Variants in COG5 observed in about 807,000 individuals in gnomAD.
The protein encoded by COG5 is component of oligomeric golgi complex 5, also known as conserved oligomeric Golgi complex subunit 5.
Under a neutral mutation model 110.4 loss-of-function variants are expected in COG5, and 86 were observed. The observed-to-expected ratio is 0.78, with a 90% CI of 0.65 to 0.93. The LOEUF (loss-of-function observed/expected upper bound fraction) is 0.93, where lower values mean the gene tolerates loss of function less well. Ranked by LOEUF, COG5 falls within the 40% of genes least tolerant of loss-of-function variation. The pLI, the probability that COG5 is intolerant of heterozygous loss-of-function variation, is 0.00. For synonymous variants in COG5, 360 were observed against 334.6 expected (o/e 1.08, Z -0.83); for missense variants, 1,077 against 987.0 (o/e 1.09, Z -1.22).
chr7:107,467,191 A>G (rs931884984), intron 6 of COG5, among the ~76,000 whole-genome samples: 5 of 152,208 alleles, frequency 3.3e-5, no homozygotes, highest in Admixed American at 3.3e-4. Context: ...ATTGAGCTGT[A>G]TTTTGGGGTT....
At chr7:107,301,210 C>T (rs2116934019) in intron 11 of COG5, among the ~76,000 whole-genome samples, 1 of 152,218 alleles carries the variant, frequency 6.6e-6, no homozygotes, top group South Asian at 2.1e-4. Context: ...TTGAGTTAGA[C>T]ATGATATGAA....
At chr7:107,253,731 T>C (rs1416486832) in intron 16 of COG5, among the ~76,000 whole-genome samples, 1 of 152,170 alleles carries the variant, frequency 6.6e-6, no homozygotes, top group African/African-American at 2.4e-5. Context: ...ACTTCACTCC[T>C]GCTCCTTTAC....
At chr7:107,270,244 AGTACTCACAC>A (rs1804136060) in intron 14 of COG5, among the ~76,000 whole-genome samples, 1 of 149,776 alleles carries the variant, frequency 6.7e-6, no homozygotes, top group African/African-American at 2.5e-5. Context: ...TAGCAAAGAT[AGTACTCACAC>A]GTGCTTTTTT....
chr7:107,377,536 T>C (rs1207433089), intron 7 of COG5, among the ~76,000 whole-genome samples: 11 of 152,190 alleles, frequency 7.2e-5, no homozygotes, highest in Non-Finnish European at 1.6e-4. Flanking sequence ...TTGGCTTCTA[T>C]TGGATTTTGT....
chr7:107,219,467 A>G (rs1799752571), intron 19 of COG5, among the ~76,000 whole-genome samples: 2 of 152,236 alleles, frequency 1.3e-5, no homozygotes, highest in South Asian at 4.1e-4. Flanking sequence ...GATAAAGAAA[A>G]TATGACATAT....
intron 14 of COG5, among the ~76,000 whole-genome samples, chr7:107,272,867 G>A (rs1804390609): frequency 1.3e-5 from 2 of 152,186 alleles, no homozygotes; most frequent in African/African-American, 2.4e-5. Flanking sequence ...TTGAGTAAAA[G>A]CTGCTCAAAA....
chr7:107,271,608 T>G (rs1804278176), intron 14 of COG5, among the ~76,000 whole-genome samples: 1 of 152,136 alleles, frequency 6.6e-6, no homozygotes, highest in African/African-American at 2.4e-5. Flanking sequence ...TTTCTGTTTG[T>G]AGCTGGTAGA....
At chr7:107,405,984 T>C (rs961066676) in intron 7 of COG5, among the ~76,000 whole-genome samples, 11 of 152,190 alleles carry the variant, frequency 7.2e-5, no homozygotes, top group African/African-American at 2.7e-4. Flanking sequence ...TCCAGAACTG[T>C]GAAAAATAAA....
chr7:107,221,287 T>A (rs1051770570), intron 19 of COG5, among the ~76,000 whole-genome samples: 2 of 151,300 alleles, frequency 1.3e-5, no homozygotes, highest in African/African-American at 4.9e-5. Context: ...GGGGTGGGGG[T>A]GGGGTTCAGC....
chr7:107,347,969 A>AC (rs2129039592), intron 10 of COG5, among the ~76,000 whole-genome samples: 2 of 151,752 alleles, frequency 1.3e-5, no homozygotes, highest in East Asian at 3.9e-4. Flanking sequence ...CTACTAAAAT[A>AC]CAAAAAAATA....
At chr7:107,440,465 G>C (rs1794640818) in intron 6 of COG5, among the ~76,000 whole-genome samples, 1 of 151,934 alleles carries the variant, frequency 6.6e-6, no homozygotes, top group South Asian at 2.1e-4. Context: ...TATTGTATCA[G>C]GTTCCTGGCA....
chr7:107,452,116 A>G (rs145997138), intron 6 of COG5, among the ~76,000 whole-genome samples: 1,744 of 152,214 alleles, frequency 0.011, 32 homozygotes, highest in African/African-American at 0.039. Context: ...AACAGATCCC[A>G]TTACTTTGTT....
At chr7:107,538,448 G>A (rs1801743086) in intron 5 of COG5, among the ~76,000 whole-genome samples, 1 of 152,122 alleles carries the variant, frequency 6.6e-6, no homozygotes. Context: ...CTGCAGCAGA[G>A]AGAGCTCTTC....
chr7:107,542,903 C>T (rs981855380), intron 5 of COG5, among the ~76,000 whole-genome samples: 2 of 149,474 alleles, frequency 1.3e-5, no homozygotes, highest in African/African-American at 4.9e-5. Context: ...ACCTGGGAGG[C>T]GGAGGCTGCA....
At chr7:107,529,855 G>A (rs1346476485) in intron 5 of COG5, among the ~76,000 whole-genome samples, 5 of 152,180 alleles carry the variant, frequency 3.3e-5, no homozygotes, top group Non-Finnish European at 7.3e-5. Context: ...AATTGAGGTT[G>A]CTGCAGACCT....
chr7:107,204,394 A>G (rs966308716), intron 21 of COG5, among the ~76,000 whole-genome samples: 9 of 152,174 alleles, frequency 5.9e-5, no homozygotes, highest in Non-Finnish European at 1.3e-4. Context: ...TTTTACAGAA[A>G]AAGTTCGTCA....
chr7:107,529,969 A>C (rs1801078361), intron 5 of COG5, among the ~76,000 whole-genome samples: 1 of 152,164 alleles, frequency 6.6e-6, no homozygotes, highest in Non-Finnish European at 1.5e-5. Flanking sequence ...GGAACGTAAA[A>C]TCTCATTCCT....
At chr7:107,422,065 T>C (rs1023869599) in intron 6 of COG5, among the ~76,000 whole-genome samples, 3 of 151,884 alleles carry the variant, frequency 2.0e-5, no homozygotes, top group African/African-American at 2.4e-5. Context: ...AGAAAAAAGG[T>C]AAAATAAATC....
chr7:107,330,279 T>A (rs1562971212), intron 10 of COG5, among the ~76,000 whole-genome samples: 1 of 152,200 alleles, frequency 6.6e-6, no homozygotes, highest in Non-Finnish European at 1.5e-5. Context: ...AATTTGGACT[T>A]TTGGCTGAGG....
Sources: allele counts gnomAD v4.1 joint callset (sites outside exome capture counted in the v4.1 genomes callset), GRCh38; gene constraint gnomAD v4.1.1; transcripts MANE v1.5; gene names NCBI Gene and HGNC (gene_info 2026-07-23, HGNC 2026-07-21).